RALYL: variants seen among roughly 807,000 people sequenced by gnomAD.
RALYL encodes RNA-binding Raly-like protein.
A neutral mutation model predicts 35.1 loss-of-function variants in RALYL; 29 were observed. That is an observed-to-expected ratio of 0.83 (90% CI 0.61 to 1.13). The LOEUF (loss-of-function observed/expected upper bound fraction) is 1.13, where lower values mean the gene tolerates loss of function less well. RALYL is among the 50% of genes most tolerant of loss of function. The probability of loss-of-function intolerance (pLI) is 0.00; values close to 1 mark genes in which losing one functional copy is unlikely to be tolerated. For synonymous variants in RALYL, 120 were observed against 127.6 expected, an observed-to-expected ratio of 0.94 and a Z score of 0.40; for missense variants, 359 against 360.4, an observed-to-expected ratio of 1.00 and a Z score of 0.03.
chr8:84,738,416 T>C lies in RALYL; in HGVS notation c.257-36163T>C, dbSNP rs191440401. 1.7e-3 allele frequency among the ~76,000 whole-genome samples: 258 copies of C among 152,152 alleles called. 1 individual carries two copies. The highest frequency in any genetic ancestry group is 5.8e-3 in the African/African-American group (239 of 41,550). ...AAAGATTTAAAATGCTATCCTGAAATCCATGAGTCATTGCAGGAATGCTAG... is the reference window on the plus strand; with the variant it reads ...AAAGATTTAAAATGCTATCCTGAAACCCATGAGTCATTGCAGGAATGCTAG... On this transcript the variant is annotated intron_variant, in intron 2 of 8. Transcript: ENST00000521268.
intron 1 of RALYL, among the ~76,000 whole-genome samples, chr8:84,432,048 C>CTA (rs2132704164): frequency 6.6e-6 from 1 of 152,222 alleles, no homozygotes; most frequent in East Asian, 1.9e-4. Context: ...AAATATGGGA[C>CTA]TACCATATGG....
At chr8:84,348,158 T>C (rs1850198481) in intron 1 of RALYL, among the ~76,000 whole-genome samples, 1 of 152,084 alleles carries the variant, frequency 6.6e-6, no homozygotes, top group Non-Finnish European at 1.5e-5. Flanking sequence ...TACAGTTTAT[T>C]TGCATACTAA....
At chr8:84,668,579 G>C (rs928673194) in intron 2 of RALYL, among the ~76,000 whole-genome samples, 2 of 152,100 alleles carry the variant, frequency 1.3e-5, no homozygotes, top group African/African-American at 4.8e-5. Flanking sequence ...GGTGTAGCAA[G>C]GTCACTTATA....
At chr8:84,505,888 A>T (rs1031817177) in intron 1 of RALYL, among the ~76,000 whole-genome samples, 3 of 152,108 alleles carry the variant, frequency 2.0e-5, no homozygotes, top group African/African-American at 7.2e-5. Flanking sequence ...TACCTGGTAT[A>T]GGGTGACTTT....
chr8:84,859,322 G>T (rs1184268185), intron 5 of RALYL, among the ~76,000 whole-genome samples: 1 of 152,052 alleles, frequency 6.6e-6, no homozygotes, highest in Non-Finnish European at 1.5e-5. Context: ...AGTAGCCTCT[G>T]GTCCTTTTGT....
At chr8:84,797,676 G>C (rs1423435297) in intron 3 of RALYL, among the ~76,000 whole-genome samples, 2 of 152,128 alleles carry the variant, frequency 1.3e-5, no homozygotes, top group Non-Finnish European at 2.9e-5. Flanking sequence ...TCCCTATTAA[G>C]AGATTAATTC....
At chr8:84,256,848 A>G (rs1373777972) in intron 1 of RALYL, among the ~76,000 whole-genome samples, 3 of 152,114 alleles carry the variant, frequency 2.0e-5, no homozygotes, top group Non-Finnish European at 2.9e-5. Context: ...GAATGCAAGC[A>G]TAAGAATTGA....
intron 1 of RALYL, among the ~76,000 whole-genome samples, chr8:84,506,213 G>A (rs1000246519): frequency 3.3e-5 from 5 of 152,032 alleles, no homozygotes; most frequent in African/African-American, 1.2e-4. Flanking sequence ...CTCCACTGCA[G>A]CTTTATAAAG....
chr8:84,571,945 T>G (rs1808106628), intron 2 of RALYL, among the ~76,000 whole-genome samples: 1 of 151,912 alleles, frequency 6.6e-6, no homozygotes, highest in Non-Finnish European at 1.5e-5. Flanking sequence ...GGAATTGATT[T>G]ATAATTTTAT....
chr8:84,555,308 T>C (rs539951486), intron 2 of RALYL, among the ~76,000 whole-genome samples: 278 of 141,948 alleles, frequency 2.0e-3, no homozygotes, highest in Middle Eastern at 3.5e-3. Context: ...CACACACACA[T>C]ATATATGTTG....
intron 2 of RALYL, among the ~76,000 whole-genome samples, chr8:84,619,476 C>A (rs1820731204): frequency 6.8e-6 from 1 of 147,028 alleles, no homozygotes; most frequent in Non-Finnish European, 1.5e-5. Flanking sequence ...TTATTTTGAG[C>A]CTATGTGTGT....
intron 7 of RALYL, among the ~76,000 whole-genome samples, chr8:84,884,259 G>A (rs1169436448): frequency 6.6e-6 from 1 of 152,038 alleles, no homozygotes; most frequent in Non-Finnish European, 1.5e-5. Context: ...TGAGAAAACA[G>A]TAGAACTAAC....
chr8:84,502,257 T>C (rs1216176922), intron 1 of RALYL, among the ~76,000 whole-genome samples: 2 of 152,040 alleles, frequency 1.3e-5, no homozygotes, highest in African/African-American at 2.4e-5. Flanking sequence ...TATAATATCT[T>C]GTGGGATACA....
intron 2 of RALYL, among the ~76,000 whole-genome samples, chr8:84,562,945 T>A (rs888267665): frequency 2.6e-5 from 4 of 151,962 alleles, no homozygotes; most frequent in Non-Finnish European, 5.9e-5. Flanking sequence ...TGCAGTCCTC[T>A]GGATGAGGGT....
At chr8:84,523,359 C>T (rs1484445219) in intron 1 of RALYL, among the ~76,000 whole-genome samples, 1 of 151,840 alleles carries the variant, frequency 6.6e-6, no homozygotes, top group African/African-American at 2.4e-5. Context: ...GAAAAAAAAA[C>T]CCACTCCCAT....
At chr8:84,441,396 C>T (rs2048315612) in intron 1 of RALYL, among the ~76,000 whole-genome samples, 1 of 151,990 alleles carries the variant, frequency 6.6e-6, no homozygotes, top group Non-Finnish European at 1.5e-5. Context: ...AAACAGAGTC[C>T]AGTGTAGCAA....
chr8:84,213,602 T>C (rs1487391168), intron 1 of RALYL, among the ~76,000 whole-genome samples: 4 of 152,192 alleles, frequency 2.6e-5, no homozygotes, highest in Non-Finnish European at 5.9e-5. Flanking sequence ...TGTGTGTGTA[T>C]ATATGTGTCT....
intron 2 of RALYL, among the ~76,000 whole-genome samples, chr8:84,761,773 A>G (rs1812765581): frequency 6.6e-6 from 1 of 152,202 alleles, no homozygotes; most frequent in Non-Finnish European, 1.5e-5. Flanking sequence ...TTTGAGCAAA[A>G]CAGGCAAACA....
intron 2 of RALYL, among the ~76,000 whole-genome samples, chr8:84,717,954 T>G (rs1443995689): frequency 6.6e-6 from 1 of 152,142 alleles, no homozygotes; most frequent in Admixed American, 6.5e-5. Flanking sequence ...ATAAAACTAG[T>G]TTAAGGTATT....
Sources: allele counts gnomAD v4.1 joint callset (sites outside exome capture counted in the v4.1 genomes callset), GRCh38; gene constraint gnomAD v4.1.1; transcripts MANE v1.5; gene names NCBI Gene and HGNC (gene_info 2026-07-23, HGNC 2026-07-21).